The following ERBB4 variants were observed in gnomAD, a reference collection of about 807,000 sequenced individuals.
The protein encoded by ERBB4 is receptor tyrosine-protein kinase erbB-4.
ERBB4 carries 42 observed loss-of-function variants against 158.0 expected under a neutral mutation model. That is an observed-to-expected ratio of 0.27 (90% CI 0.21 to 0.34). The LOEUF (loss-of-function observed/expected upper bound fraction) is 0.34. ERBB4 is among the 10% of genes least tolerant of loss of function. The probability of loss-of-function intolerance (pLI) is 1.00; values close to 1 mark genes in which losing one functional copy is unlikely to be tolerated. For synonymous variants in ERBB4, 583 were observed against 558.7 expected (o/e 1.04, Z -0.61); for missense variants, 1,333 against 1,624.1 (o/e 0.82, Z 3.08).
At chr2:212,450,296 C>A (rs569980139) in intron 1 of ERBB4, among the ~76,000 whole-genome samples, 39 of 152,210 alleles carry the variant, frequency 2.6e-4, no homozygotes, top group Non-Finnish European at 4.9e-4. Context: ...ACTTACATGG[C>A]AATAGGGATT....
chr2:211,893,525 A>G (rs923579566), intron 3 of ERBB4, among the ~76,000 whole-genome samples: 1 of 142,056 alleles, frequency 7.0e-6, no homozygotes, highest in Non-Finnish European at 1.5e-5. Context: ...CCAAAACACC[A>G]AAAGCAATGG....
At chr2:211,481,429 C>T (rs142125876) in intron 20 of ERBB4, among the ~76,000 whole-genome samples, 3 of 152,076 alleles carry the variant, frequency 2.0e-5, no homozygotes, top group African/African-American at 7.2e-5. Flanking sequence ...AAAGTTAACA[C>T]AGCACTAGTA....
chr2:211,401,493 G>C (rs545284792), intron 25 of ERBB4, among the ~76,000 whole-genome samples: 89 of 152,050 alleles, frequency 5.9e-4, no homozygotes, highest in Non-Finnish European at 9.7e-4. Flanking sequence ...GAAGTCCTCC[G>C]TGCTGAATGT....
intron 1 of ERBB4, among the ~76,000 whole-genome samples, chr2:212,154,469 C>T (rs998648801): frequency 1.4e-4 from 21 of 152,084 alleles, no homozygotes; most frequent in Admixed American, 1.4e-3. Flanking sequence ...AAATATTACT[C>T]ACTTGAATCT....
At chr2:211,387,219 G>C in intron 26 of ERBB4, 69 bp from the exon 27 acceptor site, 1 of 1,217,150 alleles carries the variant, frequency 8.2e-7, no homozygotes, top group Non-Finnish European at 1.2e-6. Flanking sequence ...AATGTTAATA[G>C]CCACAAGGAT....
intron 2 of ERBB4, among the ~76,000 whole-genome samples, chr2:212,106,427 T>C (rs1181514237): frequency 6.6e-6 from 1 of 152,166 alleles, no homozygotes; most frequent in Non-Finnish European, 1.5e-5. Flanking sequence ...GGGTATCTGG[T>C]GGAAGAAATT....
Position 211,383,562 on chromosome 2 carries a change from G to T in ERBB4, c.*53C>A, listed in dbSNP as rs2125307245. ...GAAGACCACCAGAGAAAGAGAGGGGGGTGGGGAAATTGGAGCAGGTGTGTC... is the reference window on the plus strand; with the variant it reads ...GAAGACCACCAGAGAAAGAGAGGGGTGTGGGGAAATTGGAGCAGGTGTGTC... On this transcript the variant is annotated 3_prime_UTR_variant, in exon 28 of 28. Transcript: ENST00000342788. 12 of 1,444,542 alleles carry T rather than the reference G, an allele frequency of 8.3e-6. No individual in the cohort carries two copies. The East Asian group carries it at 1.8e-4, about 22-fold the overall frequency. The allele number at this position is 1,444,542 out of a possible 1,614,324, so 89.5% of individuals were successfully genotyped here. A position where few individuals can be genotyped will look rare whatever the true frequency, so the allele number is the denominator to read the frequency against.
chr2:212,293,666 G>A (rs1287876637), intron 1 of ERBB4, among the ~76,000 whole-genome samples: 1 of 151,750 alleles, frequency 6.6e-6, no homozygotes, highest in Non-Finnish European at 1.5e-5. Context: ...TGGTCAAAAT[G>A]GTGAAACCTT....
intron 25 of ERBB4, among the ~76,000 whole-genome samples, chr2:211,415,956 G>C (rs2063379931): frequency 6.6e-6 from 1 of 152,198 alleles, no homozygotes; most frequent in Non-Finnish European, 1.5e-5. Flanking sequence ...AAGTTACATT[G>C]TGATGATAAA....
In ERBB4 at chr2:211,539,170, A is replaced by G. The variant is rs1175049671; in HGVS notation, c.2487+22733T>C. The stretch of plus-strand genomic sequence containing the variant: ...ACTTCTATCTTCATTCATGAAATCA[A>G]TAAAACATTTGACTTAACAGAGCTA... On this transcript the variant is annotated intron_variant, in intron 20 of 27. Transcript: ENST00000342788. Among the ~76,000 whole-genome samples, 8 of 151,970 alleles carry G rather than the reference A, an allele frequency of 5.3e-5. No individual in the cohort carries two copies. In the East Asian group the frequency reaches 1.2e-3, roughly 22 times the overall value.
chr2:211,997,918 C>T (rs2082239569), intron 2 of ERBB4, among the ~76,000 whole-genome samples: 1 of 151,504 alleles, frequency 6.6e-6, no homozygotes, highest in East Asian at 1.9e-4. Context: ...ATCACACACA[C>T]ACACACACAC....
chr2:211,376,604 C>T lies in ERBB4; in HGVS notation c.*7011G>A, dbSNP rs1399873201. 4.3e-6 allele frequency: 1 copy of T among 232,668 alleles called. No homozygotes were observed. The highest frequency in any genetic ancestry group is 5.6e-5 in the Admixed American group (1 of 17,704). The allele number at this position is 232,668 out of a possible 1,614,324, so 14.4% of individuals were successfully genotyped here. The stretch of plus-strand genomic sequence containing the variant: ...AGTTAAGAAAATAAGGAAGTGAGTA[C>T]AAATGTATACACCTTAAGCCTCTGC... On this transcript the variant is annotated 3_prime_UTR_variant, in exon 28 of 28. Coordinates refer to ENST00000342788, the MANE Select transcript of ERBB4 (RefSeq NM_005235.3).
At chr2:212,091,666 C>T (rs1337612036) in intron 2 of ERBB4, among the ~76,000 whole-genome samples, 1 of 151,564 alleles carries the variant, frequency 6.6e-6, no homozygotes, top group Non-Finnish European at 1.5e-5. Flanking sequence ...GAGTAGGATC[C>T]AATCTATTTG....
At chr2:211,955,489 T>C (rs1039627085) in intron 2 of ERBB4, among the ~76,000 whole-genome samples, 21 of 152,248 alleles carry the variant, frequency 1.4e-4, no homozygotes, top group Middle Eastern at 3.4e-3. Context: ...TCCTGTATCA[T>C]AGACTTATTA....
chr2:212,105,550 T>A (rs1270741527), intron 2 of ERBB4, among the ~76,000 whole-genome samples: 1 of 152,196 alleles, frequency 6.6e-6, no homozygotes, highest in Non-Finnish European at 1.5e-5. Flanking sequence ...ATGGAGATAC[T>A]GGAGTGTCAT....
intron 13 of ERBB4, among the ~76,000 whole-genome samples, chr2:211,677,979 A>G (rs919342105): frequency 2.4e-4 from 37 of 152,302 alleles, no homozygotes; most frequent in African/African-American, 8.4e-4. Context: ...AATACATTAT[A>G]ACATTGATGA....
intron 3 of ERBB4, among the ~76,000 whole-genome samples, chr2:211,905,889 C>A (rs1342270558): frequency 6.6e-6 from 1 of 150,570 alleles, no homozygotes; most frequent in African/African-American, 2.4e-5. Context: ...GCAGAGAGAG[C>A]AAAAAGTTCA....
intron 19 of ERBB4, among the ~76,000 whole-genome samples, chr2:211,585,480 T>C (rs1324233528): frequency 6.6e-6 from 1 of 152,150 alleles, no homozygotes; most frequent in Non-Finnish European, 1.5e-5. Context: ...AATTCATTGA[T>C]AATTGATAGC....
intron 3 of ERBB4, among the ~76,000 whole-genome samples, chr2:211,918,162 G>T (rs2079753093): frequency 6.6e-6 from 1 of 152,052 alleles, no homozygotes; most frequent in Admixed American, 6.6e-5. Flanking sequence ...AAGCTCTCAG[G>T]GATCAGGTAA....
Sources: gnomAD v4.1 joint callset for allele counts (sites outside exome capture counted in the v4.1 genomes callset) on GRCh38, gnomAD v4.1.1 for gene constraint, MANE v1.5 for transcripts, NCBI Gene and HGNC (gene_info 2026-07-23, HGNC 2026-07-21) for gene names.